Variants in PI15 observed in about 807,000 individuals in gnomAD.
The protein encoded by PI15 is peptidase inhibitor 15, also known as 25 kDa trypsin inhibitor.
Under a neutral mutation model 31.0 loss-of-function variants are expected in PI15, and 18 were observed. The ratio of observed to expected loss-of-function variants is 0.58; its 90% CI spans 0.40 to 0.86. The LOEUF (loss-of-function observed/expected upper bound fraction) is 0.86. Among genes scored for constraint, PI15 ranks in the 40% least tolerant of loss-of-function variants. PI15 has a pLI of 0.00. For synonymous variants in PI15, 118 were observed against 119.1 expected, an observed-to-expected ratio of 0.99 and a Z score of 0.06; for missense variants, 282 against 328.1, an observed-to-expected ratio of 0.86 and a Z score of 1.09.
chr8:74,843,054 A>G (rs1386672468), intron 2 of PI15, among the ~76,000 whole-genome samples: 1 of 152,186 alleles, frequency 6.6e-6, no homozygotes, highest in African/African-American at 2.4e-5. Context: ...ATAGAGTATG[A>G]CCTTATACGT....
intron 2 of PI15, among the ~76,000 whole-genome samples, chr8:74,833,263 T>C (rs1586953316): frequency 6.6e-6 from 1 of 152,172 alleles, no homozygotes; most frequent in African/African-American, 2.4e-5. Context: ...GTGGGATGAT[T>C]GTTAGACTCT....
At position 74,849,269 on chromosome 8, in the gene PI15, C is replaced by T. The variant is rs1405665440; in HGVS notation, c.*16C>T. 6.2e-7 allele frequency: 1 copy of T among 1,600,322 alleles called. No individual in the cohort carries two copies. Among genetic ancestry groups the T allele is most frequent in the Non-Finnish European group, 8.5e-7 (1 of 1,170,190 alleles). On this transcript the variant is annotated 3_prime_UTR_variant, in exon 6 of 6. Coordinates refer to ENST00000260113, the MANE Select transcript of PI15 (RefSeq NM_015886.5). ...GTTTAAATAAGTTTACCTTTTCCTC[C>T]AGGAAATATAATGATTTCTGGGAAC... is the stretch of plus-strand genomic sequence containing the variant.
Position 74,825,500 on chromosome 8 carries a change from C to A in PI15, c.251C>A (p.Pro84Gln). 1 of 1,611,550 alleles carries A rather than the reference C, an allele frequency of 6.2e-7. No homozygotes were observed. The highest frequency in any genetic ancestry group is 2.2e-5 in the East Asian group (1 of 44,784). ...HNQVRGKVFP[P>Q]AANMEYMVWD... ...CAAGTTCGGGGCAAAGTGTTCCCAC[C>A]GGCAGCAAATATGGAATATATGGTA... The change falls in exon 2 of 6, where the codon CCG (proline) becomes CAG (glutamine). Residue 84 changes from proline to glutamine, a missense_variant. Physicochemically the swap from Pro to Gln is moderately conservative, Grantham distance 76 (BLOSUM62 -1). Coordinates refer to ENST00000260113, the MANE Select transcript of PI15 (RefSeq NM_015886.5).
rs767875725 is a variant in PI15, at chr8:74,845,138, A to G, written c.403A>G (p.Ile135Val). 6.8e-5 allele frequency: 110 copies of G among 1,612,780 alleles called. No individual in the cohort carries two copies. The highest frequency in any genetic ancestry group is 8.5e-5 in the Non-Finnish European group (100 of 1,178,928). The change falls in exon 4 of 6, where the codon ATT (isoleucine) becomes GTT (valine). Residue 135 changes from isoleucine (I) to valine (V), a missense_variant. Physicochemically the swap from Ile to Val is conservative, Grantham distance 29. Transcript: ENST00000260113. ...TTTCTTTATATGCAGATATCGCTCT[A>G]TTCTCCAGTTGGTCAAGCCATGGTA... is the stretch of plus-strand genomic sequence containing the variant. The part of the protein sequence containing the change: ...LSVRTGRYRS[I>V]LQLVKPWYDE...
At chr8:74,826,505 T>A (rs1315382307) in intron 2 of PI15, among the ~76,000 whole-genome samples, 3 of 152,104 alleles carry the variant, frequency 2.0e-5, no homozygotes. Flanking sequence ...ACAGGAAAAC[T>A]AAAGACTTGC....
chr8:74,843,733 G>A (rs1586957488), intron 2 of PI15, among the ~76,000 whole-genome samples: 1 of 152,050 alleles, frequency 6.6e-6, no homozygotes, highest in Non-Finnish European at 1.5e-5. Flanking sequence ...GCATGGTGAT[G>A]TGCGCCTGTA....
At chr8:74,833,703 A>G (rs1457767154) in intron 2 of PI15, among the ~76,000 whole-genome samples, 2 of 152,182 alleles carry the variant, frequency 1.3e-5, no homozygotes, top group African/African-American at 2.4e-5. Context: ...AAGTTTTGAG[A>G]GATGAGATAA....
chr8:74,845,336 G>C (rs780386875), intron 4 of PI15, 46 bp from the exon 5 acceptor site: 3 of 1,585,756 alleles, frequency 1.9e-6, no homozygotes, highest in Non-Finnish European at 2.6e-6. Context: ...GACATGCATT[G>C]TCTTAGCTCT....
chr8:74,840,075 TA>T (rs1300461570), intron 2 of PI15, among the ~76,000 whole-genome samples: 27 of 152,128 alleles, frequency 1.8e-4, no homozygotes, highest in African/African-American at 6.0e-4. Flanking sequence ...AAAATTTCTA[TA>T]TTTTTTGTTT....
Position 74,842,644 on chromosome 8 carries a change from T to C in PI15, c.274-1337T>C, listed in dbSNP as rs76366850. On this transcript the variant is annotated intron_variant, in intron 2 of 5. Transcript: ENST00000260113. ...TACCATTTCAGAACTGATTTATTAC[T>C]GGCAGGTCTGCAAATGCTAGACTTG... 1.9e-3 allele frequency among the ~76,000 whole-genome samples: 290 copies of C among 152,298 alleles called. 8 individuals are homozygous for C. The East Asian group carries it at 0.051, about 27-fold the overall frequency.
chr8:74,828,716 C>G (rs1007075345), intron 2 of PI15, among the ~76,000 whole-genome samples: 12 of 152,076 alleles, frequency 7.9e-5, no homozygotes, highest in African/African-American at 2.4e-4. Context: ...GTGTGTTCAA[C>G]TTCTCCTCAG....
intron 5 of PI15, 146 bp from the exon 6 acceptor site, chr8:74,848,972 T>C (rs1811065307): frequency 4.8e-6 from 3 of 626,544 alleles, no homozygotes; most frequent in Non-Finnish European, 8.2e-6. Context: ...AAATAAGAAA[T>C]GATTATAACT....
chr8:74,836,589 C>G (rs945158809), intron 2 of PI15, among the ~76,000 whole-genome samples: 1 of 151,988 alleles, frequency 6.6e-6, no homozygotes, highest in African/African-American at 2.4e-5. Flanking sequence ...GGACTGAGCC[C>G]TGGGAACTTT....
Position 74,825,256 on chromosome 8 carries a change from G to A in PI15, c.7G>A (p.Ala3Thr). Residue 3 changes from alanine to threonine, a missense_variant, in exon 2 of 6, where the codon GCA becomes ACA. Transcript: ENST00000260113. MI[A>T]ISAVSSALLF... Reference sequence around the variant, plus strand: ...TTCTTCTCCACCCCTCAAAATGATAGCAATCTCTGCCGTCAGCAGTGCACT... The same window carrying A: ...TTCTTCTCCACCCCTCAAAATGATAACAATCTCTGCCGTCAGCAGTGCACT... 11 of 1,612,520 alleles carry A rather than the reference G, an allele frequency of 6.8e-6. No individual in the cohort carries two copies. The highest frequency in any genetic ancestry group is 9.3e-6 in the Non-Finnish European group (11 of 1,179,088).
chr8:74,841,542 G>A (rs553549652), intron 2 of PI15, among the ~76,000 whole-genome samples: 1 of 152,196 alleles, frequency 6.6e-6, no homozygotes, highest in South Asian at 2.1e-4. Context: ...AAGATTATAA[G>A]AAAGTGTTTT....
rs1811158131 is a variant in PI15 at position 74,854,825 on chromosome 8, A to T, written c.*5572A>T. 1 of 152,238 alleles carries T rather than the reference A, an allele frequency of 6.6e-6. No individual in the cohort carries two copies. The highest frequency in any genetic ancestry group is 2.1e-4 in the South Asian group (1 of 4,810). 9.4% of individuals were successfully genotyped at this position (152,238 alleles called of 1,614,324 possible). A position where few individuals can be genotyped will look rare whatever the true frequency, so the allele number is the denominator to read the frequency against. On this transcript the variant is annotated 3_prime_UTR_variant, in exon 6 of 6. Coordinates refer to ENST00000260113, the MANE Select transcript of PI15 (RefSeq NM_015886.5). ...CCTCAAATATACTGTACCATTTTAGATATTTTTTAAACAGATTAATTTGGA... is the reference window on the plus strand; with the variant it reads ...CCTCAAATATACTGTACCATTTTAGTTATTTTTTAAACAGATTAATTTGGA...
rs913075720 is a variant in PI15, at chr8:74,854,992, T to C, written c.*5739T>C. On this transcript the variant is annotated 3_prime_UTR_variant, in exon 6 of 6. Transcript: ENST00000260113. Reference sequence around the variant, plus strand: ...AACAAATGTAGCTTTTTAAAGTCCATTGTATTGTTTTTTCTTTCAATAAAA... The same window carrying C: ...AACAAATGTAGCTTTTTAAAGTCCACTGTATTGTTTTTTCTTTCAATAAAA... The C allele has an allele frequency of 6.6e-6, 1 of 151,578 alleles. No homozygotes were observed. Among genetic ancestry groups the C allele is most frequent in the Non-Finnish European group, 1.5e-5 (1 of 67,952 alleles). The allele number at this position is 151,578 out of a possible 1,614,324, so 9.4% of individuals were successfully genotyped here.
chr8:74,841,529 C>T (rs1025820548), intron 2 of PI15, among the ~76,000 whole-genome samples: 4 of 152,142 alleles, frequency 2.6e-5, no homozygotes, highest in South Asian at 2.1e-4. Context: ...AATATTTTAG[C>T]GTAAGATTAT....
chr8:74,837,930 T>C (rs982163345), intron 2 of PI15, among the ~76,000 whole-genome samples: 1 of 152,134 alleles, frequency 6.6e-6, no homozygotes, highest in African/African-American at 2.4e-5. Flanking sequence ...AAGTTCACTT[T>C]AATTTTCATA....
Sources: gnomAD v4.1 joint callset for allele counts (sites outside exome capture counted in the v4.1 genomes callset) on GRCh38, gnomAD v4.1.1 for gene constraint, MANE v1.5 for transcripts, NCBI Gene and HGNC (gene_info 2026-07-23, HGNC 2026-07-21) for gene names.